SLC24A2: variants seen among roughly 807,000 people sequenced by gnomAD.
SLC24A2 encodes the protein sodium/potassium/calcium exchanger 2.
In SLC24A2, 36 loss-of-function variants were observed where a neutral mutation model predicts 62.0. The ratio of observed to expected loss-of-function variants is 0.58; its 90% CI spans 0.44 to 0.77. The LOEUF (loss-of-function observed/expected upper bound fraction) is 0.77. Among genes scored for constraint, SLC24A2 ranks in the 30% least tolerant of loss-of-function variants. The pLI is 0.00. For missense variants in SLC24A2, 846 were observed against 817.9 expected (o/e 1.03, Z -0.42); for synonymous variants, 358 against 294.0 (o/e 1.22, Z -2.23).
the SLC24A2 span, among the ~76,000 whole-genome samples, chr9:20,229,255 T>G: frequency 6.6e-6 from 1 of 152,180 alleles, no homozygotes; most frequent in African/African-American, 2.4e-5. Flanking sequence ...AAATCCAGGC[T>G]CTGTTACTTA....
At chr9:20,047,970 T>G in the SLC24A2 span, among the ~76,000 whole-genome samples, 1 of 152,132 alleles carries the variant, frequency 6.6e-6, no homozygotes, top group Non-Finnish European at 1.5e-5. Context: ...TAGGTTGAAG[T>G]TAATATGGGA....
At chr9:20,262,610 G>A in the SLC24A2 span, among the ~76,000 whole-genome samples, 2 of 152,156 alleles carry the variant, frequency 1.3e-5, no homozygotes, top group Non-Finnish European at 1.5e-5. Flanking sequence ...AACTGGGGAG[G>A]TGCTTATTTT....
chr9:19,636,887 C>T (rs1691337498), intron 2 of SLC24A2, among the ~76,000 whole-genome samples: 1 of 152,050 alleles, frequency 6.6e-6, no homozygotes, highest in South Asian at 2.1e-4. Flanking sequence ...TTAAAAGTGT[C>T]CATGACCCTA....
chr9:20,191,553 T>C, the SLC24A2 span, among the ~76,000 whole-genome samples: 1 of 151,880 alleles, frequency 6.6e-6, no homozygotes, highest in Non-Finnish European at 1.5e-5. Flanking sequence ...GTTTATTCCC[T>C]ATGGCTAGGT....
At chr9:19,706,508 T>A (rs1247948182) in intron 2 of SLC24A2, among the ~76,000 whole-genome samples, 1 of 151,902 alleles carries the variant, frequency 6.6e-6, no homozygotes, top group African/African-American at 2.4e-5. Flanking sequence ...GCCTCCCGTG[T>A]AGCTGGGACT....
At chr9:19,623,800 G>A (rs553243818) in intron 2 of SLC24A2, among the ~76,000 whole-genome samples, 1 of 152,242 alleles carries the variant, frequency 6.6e-6, no homozygotes, top group South Asian at 2.1e-4. Flanking sequence ...CCCCCTTCTG[G>A]TTCCAAGCAT....
chr9:19,889,897 G>A, the SLC24A2 span, among the ~76,000 whole-genome samples: 2 of 152,146 alleles, frequency 1.3e-5, no homozygotes, highest in Admixed American at 1.3e-4. Context: ...TTAAAGCATT[G>A]TTCTTTCTAC....
the SLC24A2 span, among the ~76,000 whole-genome samples, chr9:20,020,662 T>C: frequency 5.9e-5 from 9 of 152,340 alleles, no homozygotes; most frequent in African/African-American, 2.2e-4. Context: ...ATGGCAATTA[T>C]ATACCTTTGT....
the SLC24A2 span, among the ~76,000 whole-genome samples, chr9:19,882,119 G>C: frequency 6.6e-6 from 1 of 152,002 alleles, no homozygotes; most frequent in African/African-American, 2.4e-5. Flanking sequence ...TGGGGTAGAG[G>C]GTAGTTCTCA....
chr9:19,622,527 G>T (rs184221653), intron 2 of SLC24A2, among the ~76,000 whole-genome samples: 72 of 152,214 alleles, frequency 4.7e-4, no homozygotes, highest in Non-Finnish European at 9.6e-4. Context: ...AAAGTTGAAT[G>T]GCCAACCCGA....
At chr9:19,652,101 T>C (rs7846736) in intron 2 of SLC24A2, among the ~76,000 whole-genome samples, 70,151 of 152,044 alleles carry the variant, frequency 0.46, 16,854 homozygotes, top group East Asian at 0.81. Context: ...ATCTTTATTG[T>C]TAAAGCTAAT....
the SLC24A2 span, among the ~76,000 whole-genome samples, chr9:20,186,291 G>A: frequency 1.3e-5 from 2 of 152,036 alleles, no homozygotes; most frequent in Non-Finnish European, 2.9e-5. Flanking sequence ...ATTTCCCTGT[G>A]CCTCTATCCT....
chr9:19,809,835 T>C, the SLC24A2 span, among the ~76,000 whole-genome samples: 1 of 152,078 alleles, frequency 6.6e-6, no homozygotes, highest in African/African-American at 2.4e-5. Flanking sequence ...TGCTGGTCTT[T>C]CCTCTTGGAA....
the SLC24A2 span, among the ~76,000 whole-genome samples, chr9:19,915,060 T>C: frequency 2.6e-5 from 4 of 152,128 alleles, no homozygotes; most frequent in African/African-American, 9.6e-5. Context: ...CTCCAGAATA[T>C]TCCCATCACT....
the SLC24A2 span, among the ~76,000 whole-genome samples, chr9:19,866,625 CTTTTTTTTTTT>C: frequency 1.2e-3 from 81 of 68,216 alleles, no homozygotes; most frequent in Middle Eastern, 0.013. Context: ...CACGTTTTCA[CTTTTTTTTTTT>C]TTTTTTTTTT....
the SLC24A2 span, among the ~76,000 whole-genome samples, chr9:20,019,394 A>G: frequency 6.6e-6 from 1 of 152,170 alleles, no homozygotes; most frequent in Non-Finnish European, 1.5e-5. Context: ...AGTTTTCTGC[A>G]TATGGTTTGC....
the SLC24A2 span, among the ~76,000 whole-genome samples, chr9:20,117,507 G>A: frequency 6.6e-6 from 1 of 152,148 alleles, no homozygotes; most frequent in Middle Eastern, 3.2e-3. Flanking sequence ...GAGAAAAGAT[G>A]AGGAAGAAAA....
At chr9:19,825,000 T>C in the SLC24A2 span, among the ~76,000 whole-genome samples, 1 of 151,960 alleles carries the variant, frequency 6.6e-6, no homozygotes, top group Non-Finnish European at 1.5e-5. Context: ...GAGGGGAACA[T>C]CACACACCGG....
At chr9:20,111,840 C>A in the SLC24A2 span, among the ~76,000 whole-genome samples, 1 of 151,842 alleles carries the variant, frequency 6.6e-6, no homozygotes, top group African/African-American at 2.4e-5. Context: ...ATTATTTCAA[C>A]CAAAAAGATT....
Sources: gnomAD v4.1 joint callset for allele counts (sites outside exome capture counted in the v4.1 genomes callset) on GRCh38, gnomAD v4.1.1 for gene constraint, MANE v1.5 for transcripts, NCBI Gene and HGNC (gene_info 2026-07-23, HGNC 2026-07-21) for gene names.